Variants in CPA6 observed in about 807,000 individuals in gnomAD.
The protein encoded by CPA6 is carboxypeptidase A6, also known as carboxypeptidase B.
CPA6 carries 58 observed loss-of-function variants against 63.3 expected under a neutral mutation model. That is an observed-to-expected ratio of 0.92 (90% CI 0.74 to 1.14). CPA6 has a LOEUF of 1.14. Among genes scored for constraint, CPA6 ranks in the 50% most tolerant of loss-of-function variants. The probability of loss-of-function intolerance (pLI) is 0.00; values close to 1 mark genes in which losing one functional copy is unlikely to be tolerated. For synonymous variants in CPA6, 185 were observed against 179.0 expected (o/e 1.03, Z -0.27); for missense variants, 565 against 526.6 (o/e 1.07, Z -0.71).
intron 1 of CPA6, among the ~76,000 whole-genome samples, chr8:67,717,026 A>G (rs927758878): frequency 6.6e-6 from 1 of 152,320 alleles, no homozygotes; most frequent in East Asian, 1.9e-4. Flanking sequence ...GGAAGAAAAA[A>G]ATAAAAACAA....
At position 67,518,025 on chromosome 8, in the gene CPA6, C is replaced by G. The variant is rs1331238469; in HGVS notation, c.215G>C (p.Ser72Thr). The G allele has an allele frequency of 1.9e-6, 3 of 1,602,712 alleles. No individual in the cohort carries two copies. The highest frequency in any genetic ancestry group is 2.6e-6 in the Non-Finnish European group (3 of 1,175,806). ...TGTTCCCTCTGATACATAGGAGATA[C>G]TGCTGGGCTGCCACAGGTCCACCTG... ...QLKVDLWQPS[S>T]ISYVSEGTVT... is the part of the protein sequence containing the mutation. Residue 72 changes from serine to threonine, a missense_variant, in exon 3 of 11, where the codon AGT (serine) becomes ACT (threonine). Coordinates refer to ENST00000297770, the MANE Select transcript of CPA6 (RefSeq NM_020361.5).
intron 2 of CPA6, among the ~76,000 whole-genome samples, chr8:67,544,804 A>T (rs570028688): frequency 6.6e-6 from 1 of 152,152 alleles, no homozygotes; most frequent in South Asian, 2.1e-4. Flanking sequence ...TTCCACCAGG[A>T]TGCAAGCAGA....
chr8:67,577,571 CA>C (rs757307032), intron 2 of CPA6, among the ~76,000 whole-genome samples: 36 of 152,162 alleles, frequency 2.4e-4, no homozygotes, highest in Non-Finnish European at 4.7e-4. Flanking sequence ...TTAGTAGTGA[CA>C]GGTGTAAGAA....
intron 5 of CPA6, 21 bp from the exon 6 acceptor site, chr8:67,506,909 A>G: frequency 6.5e-7 from 1 of 1,538,344 alleles, no homozygotes; most frequent in Non-Finnish European, 9.0e-7. Flanking sequence ...GAGCATTCAC[A>G]GTAACCAACT....
intron 8 of CPA6, among the ~76,000 whole-genome samples, chr8:67,467,369 A>G (rs766689274): frequency 3.9e-5 from 6 of 152,076 alleles, no homozygotes; most frequent in Non-Finnish European, 8.8e-5. Context: ...ACCATTGTCT[A>G]TCTTCCCCTC....
chr8:67,430,531 A>G (rs556049906), intron 9 of CPA6, among the ~76,000 whole-genome samples: 3 of 152,298 alleles, frequency 2.0e-5, no homozygotes, highest in African/African-American at 7.2e-5. Context: ...CGAATCTTAC[A>G]TATTGATGGA....
At chr8:67,609,633 A>G (rs1026599955) in intron 2 of CPA6, among the ~76,000 whole-genome samples, 4 of 152,176 alleles carry the variant, frequency 2.6e-5, no homozygotes, top group African/African-American at 4.8e-5. Flanking sequence ...GTTGTGTTTT[A>G]TTTATAATCT....
At chr8:67,670,623 G>A (rs1415129300) in intron 1 of CPA6, among the ~76,000 whole-genome samples, 2 of 152,154 alleles carry the variant, frequency 1.3e-5, no homozygotes, top group Non-Finnish European at 2.9e-5. Flanking sequence ...GAGCTCAATA[G>A]GGATAGTCCG....
chr8:67,649,729 C>G (rs1815794127), intron 1 of CPA6, among the ~76,000 whole-genome samples: 1 of 152,100 alleles, frequency 6.6e-6, no homozygotes, highest in South Asian at 2.1e-4. Context: ...AACTGTATAG[C>G]TATGACCGCC....
At chr8:67,475,767 C>CTCTTTCTT (rs71253008) in intron 8 of CPA6, among the ~76,000 whole-genome samples, 1,084 of 71,510 alleles carry the variant, frequency 0.015, 39 homozygotes, top group East Asian at 0.023. Context: ...TTCTTTCTTT[C>CTCTTTCTT]TCTTTCTTTC....
At position 67,733,209 on chromosome 8, in the gene CPA6, AAAAAAAAAAAAAAAAT is replaced by A. The variant is rs1563412926; in HGVS notation, c.116+12789_116+12804del. Among the ~76,000 whole-genome samples, 54 of 129,034 alleles carry A rather than the reference AAAAAAAAAAAAAAAAT, an allele frequency of 4.2e-4. 1 individual carries two copies. The highest frequency in any genetic ancestry group is 4.5e-4 in the African/African-American group (17 of 37,706). 84.7% of individuals were successfully genotyped at this position (129,034 alleles called of 152,430 possible). On this transcript the variant is annotated intron_variant, in intron 1 of 10. Coordinates refer to ENST00000297770, the MANE Select transcript of CPA6 (RefSeq NM_020361.5). ...GAGACTCCATCTCAAAAAAAAAAAA[AAAAAAAAAAAAAAAAT>A]AAAAAAATTTAGCGTCTATCACCTG...
At chr8:67,669,435 C>T (rs1816297832) in intron 1 of CPA6, among the ~76,000 whole-genome samples, 1 of 152,226 alleles carries the variant, frequency 6.6e-6, no homozygotes, top group African/African-American at 2.4e-5. Flanking sequence ...TGCTCACCCA[C>T]AGACGGGGAG....
chr8:67,509,532 A>T lies in CPA6; in HGVS notation c.519T>A (p.Ser173=). The change falls in exon 5 of 11, where the codon TCT becomes TCA. Residue 173 remains serine, a synonymous_variant. Transcript: ENST00000297770. ...TTATTTTTACCTTTAAAATAAAAAGAGATCTTCCCTCATATGATCTTCCAA... is the reference window on the plus strand; with the variant it reads ...TTATTTTTACCTTTAAAATAAAAAGTGATCTTCCCTCATATGATCTTCCAA... ...FSIGRSYEGR[S]LFILKLGRRS... 2 of 1,546,484 alleles carry T rather than the reference A, an allele frequency of 1.3e-6. No homozygotes were observed. Among genetic ancestry groups the T allele is most frequent in the Non-Finnish European group, 1.8e-6 (2 of 1,126,386 alleles).
At chr8:67,433,072 A>T (rs977147767) in intron 9 of CPA6, among the ~76,000 whole-genome samples, 1 of 152,260 alleles carries the variant, frequency 6.6e-6, no homozygotes, top group Non-Finnish European at 1.5e-5. Context: ...GGAAAAAGAC[A>T]TCACACATTT....
chr8:67,511,439 T>C (rs923872320), intron 4 of CPA6, 102 bp downstream of exon 4: 22 of 703,332 alleles, frequency 3.1e-5, no homozygotes, highest in Middle Eastern at 3.1e-4. Context: ...TCTGTCTTTA[T>C]GCTTCTCCCC....
intron 1 of CPA6, among the ~76,000 whole-genome samples, chr8:67,738,598 TA>T (rs1206328774): frequency 2.0e-5 from 3 of 152,168 alleles, no homozygotes. Flanking sequence ...ACACTGATAC[TA>T]AAATGTTTTA....
chr8:67,680,524 CAT>C (rs1816570139), intron 1 of CPA6, among the ~76,000 whole-genome samples: 1 of 151,180 alleles, frequency 6.6e-6, no homozygotes, highest in African/African-American at 2.4e-5. Context: ...CATGATTACA[CAT>C]GTGAACATAC....
At chr8:67,642,912 G>C (rs1181996603) in intron 1 of CPA6, among the ~76,000 whole-genome samples, 1 of 151,926 alleles carries the variant, frequency 6.6e-6, no homozygotes, top group Non-Finnish European at 1.5e-5. Flanking sequence ...ATGACCCTGG[G>C]ATAGGGTAGT....
intron 2 of CPA6, among the ~76,000 whole-genome samples, chr8:67,567,196 C>G (rs1178312798): frequency 1.3e-5 from 2 of 152,166 alleles, no homozygotes; most frequent in African/African-American, 4.8e-5. Context: ...ATAGACAAAC[C>G]TGTGCAACTC....
Sources: gnomAD v4.1 joint callset for allele counts (sites outside exome capture counted in the v4.1 genomes callset) on GRCh38, gnomAD v4.1.1 for gene constraint, MANE v1.5 for transcripts, NCBI Gene and HGNC (gene_info 2026-07-23, HGNC 2026-07-21) for gene names.